Variants in BRINP2 observed in about 807,000 individuals in gnomAD.
BRINP2 encodes the protein BMP/retinoic acid-inducible neural-specific protein 2.
BRINP2 carries 21 observed loss-of-function variants against 69.2 expected under a neutral mutation model. That is an observed-to-expected ratio of 0.30 (90% confidence interval 0.22 to 0.44). BRINP2 has a LOEUF of 0.44. Ranked by LOEUF, BRINP2 falls within the 20% of genes least tolerant of loss-of-function variation. The pLI, the probability that BRINP2 is intolerant of heterozygous loss-of-function variation, is 1.00. For missense variants in BRINP2, 877 were observed against 986.0 expected (o/e 0.89, Z 1.48); for synonymous variants, 380 against 394.1 (o/e 0.96, Z 0.42).
rs577362232 is a variant in BRINP2 at position 177,207,818 on chromosome 1, G to A, written c.-76-21983G>A. Among the ~76,000 whole-genome samples the A allele has an allele frequency of 3.3e-5, 5 of 152,300 alleles. No homozygotes were observed. The East Asian group carries it at 9.7e-4, about 29-fold the overall frequency. On this transcript the variant is annotated intron_variant, in intron 1 of 7. Coordinates refer to ENST00000361539, the MANE Select transcript of BRINP2 (RefSeq NM_021165.4). ...GCTGAGAGTTAGAATAGGCCCTGGA[G>A]GTGGAAGGAGGTGAAGTGAGGAAAG...
chr1:177,229,759 TA>T, intron 1 of BRINP2, 41 bp from the exon 2 acceptor site: 1 of 1,393,492 alleles, frequency 7.2e-7, no homozygotes, highest in Non-Finnish European at 9.6e-7. Flanking sequence ...GCCCATGGGG[TA>T]ACAGGGTGCT....
chr1:177,179,485 A>G (rs1648185632), intron 1 of BRINP2, among the ~76,000 whole-genome samples: 1 of 152,138 alleles, frequency 6.6e-6, no homozygotes, highest in East Asian at 1.9e-4. Flanking sequence ...CTATCAATCT[A>G]TTTGTCCCTC....
chr1:177,275,092 T>C (rs1651452154), intron 5 of BRINP2: 1 of 456,154 alleles, frequency 2.2e-6, no homozygotes, highest in Non-Finnish European at 4.4e-6. Context: ...GGTCTCACAG[T>C]GTCGCTACTG....
intron 7 of BRINP2, among the ~76,000 whole-genome samples, chr1:177,279,027 T>C (rs376009226): frequency 7.2e-4 from 109 of 152,348 alleles, no homozygotes; most frequent in African/African-American, 2.5e-3. Flanking sequence ...CAAATGTTAT[T>C]CTAGTAATAC....
At chr1:177,264,453 G>A (rs753452683) in intron 4 of BRINP2, among the ~76,000 whole-genome samples, 38 of 152,248 alleles carry the variant, frequency 2.5e-4, no homozygotes, top group Admixed American at 3.9e-4. Flanking sequence ...GGAAGTTCTG[G>A]CCAGGGCAAT....
chr1:177,210,852 A>C (rs1649201427), intron 1 of BRINP2, among the ~76,000 whole-genome samples: 1 of 151,752 alleles, frequency 6.6e-6, no homozygotes, highest in Non-Finnish European at 1.5e-5. Context: ...TGAAAAAAAA[A>C]ACTCAGTCAT....
chr1:177,265,281 C>T (rs1651081902), intron 4 of BRINP2, among the ~76,000 whole-genome samples: 1 of 152,148 alleles, frequency 6.6e-6, no homozygotes, highest in South Asian at 2.1e-4. Flanking sequence ...GGACCCCTTC[C>T]TTACACCTTA....
intron 1 of BRINP2, among the ~76,000 whole-genome samples, chr1:177,196,500 C>T (rs752806670): frequency 3.9e-5 from 6 of 152,072 alleles, no homozygotes; most frequent in Non-Finnish European, 8.8e-5. Flanking sequence ...TGCCTGTAAT[C>T]CCAGCTACTT....
At position 177,176,405 on chromosome 1, in the gene BRINP2, T is replaced by A. The variant is rs571553731; in HGVS notation, c.-77+4673T>A. On this transcript the variant is annotated intron_variant, in intron 1 of 7. Coordinates refer to ENST00000361539, the MANE Select transcript of BRINP2 (RefSeq NM_021165.4). ...TTCATTACATGTTAAAAAGATAATA[T>A]TCTGAATACATTGAGTTAAATCAAA... 3.3e-3 allele frequency among the ~76,000 whole-genome samples: 498 copies of A among 152,210 alleles called. 3 individuals are homozygous for A. Among genetic ancestry groups the A allele is most frequent in the African/African-American group, 0.011 (475 of 41,550 alleles).
intron 1 of BRINP2, among the ~76,000 whole-genome samples, chr1:177,179,049 G>A (rs1033195102): frequency 3.3e-5 from 5 of 152,214 alleles, no homozygotes; most frequent in Admixed American, 2.0e-4. Flanking sequence ...GAGAGGCTAA[G>A]TAACTTGCCC....
chr1:177,212,851 AT>A (rs1464928075), intron 1 of BRINP2, among the ~76,000 whole-genome samples: 4 of 152,216 alleles, frequency 2.6e-5, no homozygotes, highest in Non-Finnish European at 5.9e-5. Context: ...AGGAGCACTA[AT>A]TCCTTTTAGT....
intron 1 of BRINP2, among the ~76,000 whole-genome samples, chr1:177,197,939 G>A (rs78085575): frequency 0.032 from 4,813 of 152,158 alleles, 200 homozygotes; most frequent in African/African-American, 0.093. Context: ...TGAGTGATGA[G>A]GAGCAACTCA....
At chr1:177,243,298 C>T (rs984647882) in intron 2 of BRINP2, among the ~76,000 whole-genome samples, 2 of 152,214 alleles carry the variant, frequency 1.3e-5, no homozygotes, top group East Asian at 3.9e-4. Flanking sequence ...CTCTCCTTAA[C>T]TGTAGCTTGA....
rs148838618 is a variant in BRINP2 at position 177,282,129 on chromosome 1, C to T, written c.*601C>T. 1.4e-3 allele frequency: 212 copies of T among 152,966 alleles called. 6 individuals carry two copies. In the East Asian group the frequency reaches 0.04, roughly 29 times the overall value. 9.5% of individuals were successfully genotyped at this position (152,966 alleles called of 1,614,324 possible). A position where few individuals can be genotyped will look rare whatever the true frequency, so the allele number is the denominator to read the frequency against. The stretch of plus-strand genomic sequence containing the variant: ...ACCAGCGCCAAGGGCAGGCAGCGGC[C>T]TCCTTGCTCCCCTCCCTTACTCCTC... On this transcript the variant is annotated 3_prime_UTR_variant, in exon 8 of 8. Coordinates refer to ENST00000361539, the MANE Select transcript of BRINP2 (RefSeq NM_021165.4).
Position 177,230,104 on chromosome 1 carries a change from G to A in BRINP2, c.228G>A (p.Glu76=), listed in dbSNP as rs1649821692. ...CTCAGGAGTATGCTGACTTCATGGA[G>A]CGGTACCGCCAGGGTTTCACCACCA... ...HRAQEYADFM[E]RYRQGFTTRY... Residue 76 remains glutamate, a synonymous_variant, in exon 2 of 8, where the codon GAG becomes GAA. Coordinates refer to ENST00000361539, the MANE Select transcript of BRINP2 (RefSeq NM_021165.4). 1.2e-6 allele frequency: 2 copies of A among 1,613,024 alleles called. No individual in the cohort carries two copies. Among genetic ancestry groups the A allele is most frequent in the South Asian group, 2.2e-5 (2 of 90,950 alleles).
chr1:177,240,430 C>T (rs1410786610), intron 2 of BRINP2, among the ~76,000 whole-genome samples: 1 of 151,998 alleles, frequency 6.6e-6, no homozygotes, highest in Admixed American at 6.6e-5. Flanking sequence ...TTACACTGTA[C>T]CCTATAAATG....
At chr1:177,250,721 C>G (rs1650553895) in intron 2 of BRINP2, among the ~76,000 whole-genome samples, 1 of 152,222 alleles carries the variant, frequency 6.6e-6, no homozygotes, top group South Asian at 2.1e-4. Context: ...TTGAAACTCT[C>G]TCCCCACATG....
chr1:177,275,626 A>G (rs2102362122), intron 5 of BRINP2, among the ~76,000 whole-genome samples: 1 of 152,322 alleles, frequency 6.6e-6, no homozygotes, highest in African/African-American at 2.4e-5. Flanking sequence ...TCAACATAGT[A>G]CCTGGGCACT....
intron 1 of BRINP2, among the ~76,000 whole-genome samples, chr1:177,194,721 T>A (rs1648689933): frequency 6.6e-6 from 1 of 151,884 alleles, no homozygotes; most frequent in African/African-American, 2.4e-5. Context: ...CTCATACACA[T>A]TTGCATATGG....
Sources: gnomAD v4.1 joint callset for allele counts (sites outside exome capture counted in the v4.1 genomes callset) on GRCh38, gnomAD v4.1.1 for gene constraint, MANE v1.5 for transcripts, NCBI Gene and HGNC (gene_info 2026-07-23, HGNC 2026-07-21) for gene names.